MYH9: variants seen among roughly 807,000 people sequenced by gnomAD.
MYH9 encodes the protein myosin-9.
A neutral mutation model predicts 241.9 loss-of-function variants in MYH9; 29 were observed. That is an observed-to-expected ratio of 0.12 (90% confidence interval 0.09 to 0.16). The LOEUF (loss-of-function observed/expected upper bound fraction) is 0.16. Among genes scored for constraint, MYH9 ranks in the 10% least tolerant of loss-of-function variants. MYH9 has a pLI of 1.00. For synonymous variants in MYH9, 1,047 were observed against 1,062.6 expected (o/e 0.99, Z 0.29); for missense variants, 1,803 against 2,595.5 (o/e 0.69, Z 6.63).
intron 1 of MYH9, among the ~76,000 whole-genome samples, chr22:36,370,397 T>G (rs1256778267): frequency 2.6e-5 from 4 of 152,194 alleles, no homozygotes; most frequent in African/African-American, 7.2e-5. Flanking sequence ...ATGTATCAAG[T>G]GCTCACCATG....
intron 1 of MYH9, among the ~76,000 whole-genome samples, chr22:36,385,186 T>C (rs2018333513): frequency 6.6e-6 from 1 of 151,832 alleles, no homozygotes; most frequent in African/African-American, 2.4e-5. Context: ...CTCTCTCTTT[T>C]TCCTTTGCTT....
In MYH9 at chr22:36,282,660, G is replaced by A. The variant is rs201455315; in HGVS notation, c.*8C>T. ...TGTCCATCCATCTCAGGCTGCAGGA[G>A]AAGAGGCTTATTCGGCAGGTTTGGC... On this transcript the variant is annotated 3_prime_UTR_variant, in exon 41 of 41. Transcript: ENST00000216181. The A allele has an allele frequency of 1.1e-3, 1,703 of 1,612,744 alleles. 1 individual carries two copies. The highest frequency in any genetic ancestry group is 1.3e-3 in the Non-Finnish European group (1,557 of 1,179,046).
chr22:36,377,230 C>T (rs2018183115), intron 1 of MYH9, among the ~76,000 whole-genome samples: 1 of 152,186 alleles, frequency 6.6e-6, no homozygotes, highest in African/African-American at 2.4e-5. Flanking sequence ...CTCAAATCTT[C>T]TCCCCGATTC....
intron 1 of MYH9, among the ~76,000 whole-genome samples, chr22:36,362,800 TCAAA>T (rs1569536926): frequency 6.6e-6 from 1 of 152,094 alleles, no homozygotes; most frequent in East Asian, 1.9e-4. Flanking sequence ...AATGAATAAA[TCAAA>T]CAACCAATGA....
chr22:36,309,862 TTC>T (rs1490373593), intron 14 of MYH9, among the ~76,000 whole-genome samples: 10 of 152,246 alleles, frequency 6.6e-5, no homozygotes, highest in Non-Finnish European at 7.3e-5. Context: ...TGGAAATATA[TTC>T]TGTTTTTAAA....
chr22:36,380,823 C>T (rs1052012665), intron 1 of MYH9, among the ~76,000 whole-genome samples: 2 of 152,046 alleles, frequency 1.3e-5, no homozygotes, highest in Non-Finnish European at 2.9e-5. Context: ...GGGGTGGGCT[C>T]CCCAGGACAG....
intron 28 of MYH9, 82 bp downstream of exon 28, chr22:36,294,010 G>C: frequency 6.6e-7 from 1 of 1,524,426 alleles, no homozygotes; most frequent in East Asian, 2.3e-5. Flanking sequence ...GAGAGACAGA[G>C]AGCACACATG....
intron 1 of MYH9, among the ~76,000 whole-genome samples, chr22:36,372,194 A>C (rs1311049111): frequency 6.6e-6 from 1 of 152,114 alleles, no homozygotes; most frequent in Admixed American, 6.5e-5. Context: ...AATTTTAAAT[A>C]GTATAAATTC....
chr22:36,366,396 G>C (rs904815315), intron 1 of MYH9, among the ~76,000 whole-genome samples: 7 of 151,972 alleles, frequency 4.6e-5, no homozygotes, highest in Non-Finnish European at 2.9e-5. Context: ...TGGGGGGTCG[G>C]GGGGAGTGTC....
chr22:36,286,900 C>G (rs774010391), intron 34 of MYH9, 54 bp from the exon 35 acceptor site: 1 of 1,600,062 alleles, frequency 6.2e-7, no homozygotes, highest in East Asian at 2.2e-5. Context: ...CCCTCCACCC[C>G]AACCCTCATG....
Position 36,305,814 on chromosome 22 carries a change from G to T in MYH9, c.2159+116C>A. The stretch of plus-strand genomic sequence containing the variant: ...AGCTGGCCAGACTCAGTTCTACATG[G>T]ATGGAGGACGTCGCTCCCTCACGAC... On this transcript the variant is annotated intron_variant, in intron 17 of 40. Coordinates refer to ENST00000216181, the MANE Select transcript of MYH9 (RefSeq NM_002473.6). This position sits in a 1 kb window ranked among gnomAD's most constrained non-coding sequence, Gnocchi z 4.7. The T allele has an allele frequency of 6.9e-7, 1 of 1,452,106 alleles. No homozygotes were observed. The highest frequency in any genetic ancestry group is 9.6e-7 in the Non-Finnish European group (1 of 1,043,404). 90.0% of individuals were successfully genotyped at this position (1,452,106 alleles called of 1,614,324 possible). A position where few individuals can be genotyped will look rare whatever the true frequency, so the allele number is the denominator to read the frequency against.
chr22:36,348,523 AT>A lies in MYH9; in HGVS notation c.333+380del, dbSNP rs1340049114. On this transcript the variant is annotated intron_variant, in intron 2 of 40. Transcript: ENST00000216181. ...GACTCCGTCTCAAAAAAAAAAAAAA[AT>A]TAAATTAAATTAAATTAAATTAAAA... Among the ~76,000 whole-genome samples the A allele has an allele frequency of 2.2e-5, 3 of 135,180 alleles. No individual in the cohort carries two copies. The South Asian group carries it at 6.8e-4, about 31-fold the overall frequency. The allele number at this position is 135,180 out of a possible 152,430, so 88.7% of individuals were successfully genotyped here. A position where few individuals can be genotyped will look rare whatever the true frequency, so the allele number is the denominator to read the frequency against.
chr22:36,301,785 G>A, intron 20 of MYH9, 120 bp from the exon 21 acceptor site: 1 of 1,382,000 alleles, frequency 7.2e-7, no homozygotes, highest in Non-Finnish European at 1.0e-6. Flanking sequence ...AAGACACGCT[G>A]TGGTGGGGGC....
intron 5 of MYH9, among the ~76,000 whole-genome samples, chr22:36,324,722 T>A (rs769027468): frequency 2.0e-5 from 3 of 152,194 alleles, no homozygotes; most frequent in Non-Finnish European, 4.4e-5. Flanking sequence ...AACCGGCCAA[T>A]GGTCTTTCAC....
chr22:36,289,266 T>C lies in MYH9; in HGVS notation c.4376A>G (p.Lys1459Arg). 2 of 1,612,556 alleles carry C rather than the reference T, an allele frequency of 1.2e-6. No individual in the cohort carries two copies. Among genetic ancestry groups the C allele is most frequent in the Non-Finnish European group, 1.7e-6 (2 of 1,179,892 alleles). Residue 1459 changes from lysine to arginine, a missense_variant, in exon 32 of 41, where the codon AAG becomes AGG. Around this residue, in one of 11 missense-constraint regions of MYH9, gnomAD observed 876 missense variants for 1,077.8 expected, o/e 0.81. Transcript: ENST00000216181. ...AGCCCGGTCGCGCTCCTCTGCATAC[T>C]TGGCAGAGATGGTCTTCTCCTCCGC... ...LLAEEKTISA[K>R]YAEERDRAEA...
At position 36,285,942 on chromosome 22, in the gene MYH9, G is replaced by A. The variant is rs201022139; in HGVS notation, c.5073C>T (p.Ala1691=). 129 of 1,610,184 alleles carry A rather than the reference G, an allele frequency of 8.0e-5. No individual in the cohort carries two copies. In the East Asian group the frequency reaches 1.2e-3, roughly 16 times the overall value. ...GGGCCTGGCGCTTGGCACGCTCCGC[G>A]GCTGCCAGTTCCTGCCACAAAGACC... The part of the protein sequence containing the change: ...EMIQLQEELA[A]AERAKRQAQQ... The change falls in exon 36 of 41, where the codon GCC becomes GCT. Residue 1691 remains alanine, a synonymous_variant. Coordinates refer to ENST00000216181, the MANE Select transcript of MYH9 (RefSeq NM_002473.6). The surrounding 1 kb of genome is among the most constrained non-coding windows in gnomAD (Gnocchi z 7.0).
chr22:36,333,828 C>T (rs912402262), intron 3 of MYH9, among the ~76,000 whole-genome samples: 3 of 152,170 alleles, frequency 2.0e-5, no homozygotes, highest in Admixed American at 1.3e-4. Context: ...ACAGGAAAAA[C>T]GGGCTGGTAG....
At chr22:36,377,820 A>G (rs554459929) in intron 1 of MYH9, among the ~76,000 whole-genome samples, 2 of 152,270 alleles carry the variant, frequency 1.3e-5, no homozygotes, top group South Asian at 4.1e-4. Context: ...CTGAGGCAGA[A>G]GAATGGCGTG....
chr22:36,348,964 G>A lies in MYH9; in HGVS notation c.273C>T (p.Cys91=), dbSNP rs2017724435. 3.1e-6 allele frequency: 5 copies of A among 1,614,186 alleles called. No homozygotes were observed. Among genetic ancestry groups the A allele is most frequent in the Non-Finnish European group, 3.4e-6 (4 of 1,180,046 alleles). Residue 91 remains cysteine, a synonymous_variant, in exon 2 of 41, where the codon TGC becomes TGT. Coordinates refer to ENST00000216181, the MANE Select transcript of MYH9 (RefSeq NM_002473.6). ...TGTGCAGCACCGAGGCTTCGTTGAG[G>A]CACGTGAGCTCTGCCATGTCCTCCA... The part of the protein sequence containing the change: ...SKVEDMAELT[C]LNEASVLHNL...
Sources: allele counts gnomAD v4.1 joint callset (sites outside exome capture counted in the v4.1 genomes callset), GRCh38; gene constraint gnomAD v4.1.1; regional missense constraint gnomAD v4.1.1; non-coding constraint Gnocchi (gnomAD v3.1); transcripts MANE v1.5; gene names NCBI Gene and HGNC (gene_info 2026-07-23, HGNC 2026-07-21).